Variants in DGKA observed in about 807,000 individuals in gnomAD.
DGKA encodes 80 kDa diacylglycerol kinase.
A neutral mutation model predicts 105.0 loss-of-function variants in DGKA; 35 were observed. The ratio of observed to expected loss-of-function variants is 0.33; its 90% CI spans 0.25 to 0.44. The LOEUF is 0.44. Among genes scored for constraint, DGKA ranks in the 20% least tolerant of loss-of-function variants. The probability of loss-of-function intolerance (pLI) is 1.00; values close to 1 mark genes in which losing one functional copy is unlikely to be tolerated. For missense variants in DGKA, 665 were observed against 915.0 expected, an observed-to-expected ratio of 0.73 and a Z score of 3.53; for synonymous variants, 296 against 332.0, an observed-to-expected ratio of 0.89 and a Z score of 1.18.
chr12:55,938,058 T>C lies in DGKA; in HGVS notation c.349+6T>C. ...GCCAGAAGACAAGTTAGAATGTGAGTTGCCCTTCTGAAGTGAGGTGGCAGG... is the reference window on the plus strand; with the variant it reads ...GCCAGAAGACAAGTTAGAATGTGAGCTGCCCTTCTGAAGTGAGGTGGCAGG... On this transcript the variant is annotated splice_donor_region_variant and intron_variant, in intron 5 of 23. Transcript: ENST00000331886. 6.2e-7 allele frequency: 1 copy of C among 1,613,532 alleles called. No individual in the cohort carries two copies. Among genetic ancestry groups the C allele is most frequent in the Non-Finnish European group, 8.5e-7 (1 of 1,179,568 alleles).
chr12:55,934,101 A>G (rs956801506), intron 1 of DGKA, among the ~76,000 whole-genome samples: 4 of 152,164 alleles, frequency 2.6e-5, no homozygotes, highest in African/African-American at 9.7e-5. Context: ...TCTACTGTAT[A>G]CTACTTCTCC....
intron 1 of DGKA, chr12:55,936,066 C>CGT: frequency 1.0e-6 from 1 of 973,596 alleles, no homozygotes; most frequent in Non-Finnish European, 1.2e-6. Context: ...TGGAAGAAAG[C>CGT]GCAGAAACAG....
At chr12:55,927,938 C>G, upstream of DGKA, 1 of 740,032 alleles carries the variant, frequency 1.4e-6, no homozygotes, top group South Asian at 1.9e-5. Context: ...AGGGTGAAAG[C>G]TTCTGGGCGG....
chr12:55,939,928 C>T (rs1349844232), intron 9 of DGKA, 154 bp from the exon 10 acceptor site: 9 of 667,552 alleles, frequency 1.3e-5, no homozygotes, highest in South Asian at 8.5e-5. Flanking sequence ...AAGGAAAAGG[C>T]GTGGGTTTTG....
intron 13 of DGKA, 48 bp from the exon 14 acceptor site, chr12:55,941,204 C>G (rs1159698265): frequency 1.3e-6 from 2 of 1,580,566 alleles, no homozygotes; most frequent in African/African-American, 2.7e-5. Context: ...CACCTTAACT[C>G]TGACAAAATC....
chr12:55,941,161 G>T, intron 13 of DGKA, 91 bp from the exon 14 acceptor site: 2 of 1,416,100 alleles, frequency 1.4e-6, no homozygotes, highest in Non-Finnish European at 1.9e-6. Flanking sequence ...TATCTTGGTG[G>T]AATGCTAGCC....
intron 17 of DGKA, among the ~76,000 whole-genome samples, chr12:55,948,484 T>C (rs565960498): frequency 7.9e-5 from 12 of 152,084 alleles, no homozygotes; most frequent in Non-Finnish European, 1.3e-4. Context: ...TCCCAGCACT[T>C]TGGGAGGCCA....
Position 55,932,833 on chromosome 12 carries a change from GCTAC to G in DGKA, c.-82+1494_-82+1497del, listed in dbSNP as rs1883922107. ...TCAAGCAAATGATTCCCTCTTGAGGGCTACCTACTAGCAGCAACGGTCAGGGAGA... is the reference window on the plus strand; with the variant it reads ...TCAAGCAAATGATTCCCTCTTGAGGGCTACTAGCAGCAACGGTCAGGGAGA... On this transcript the variant is annotated intron_variant, in intron 1 of 23. Coordinates refer to ENST00000331886, the MANE Select transcript of DGKA (RefSeq NM_001345.5). The surrounding 1 kb of genome is among the most constrained non-coding windows in gnomAD (Gnocchi z 4.3). 4 of 514,820 alleles carry G rather than the reference GCTAC, an allele frequency of 7.8e-6. No individual in the cohort carries two copies. The East Asian group carries it at 1.3e-4, about 17-fold the overall frequency. 31.9% of individuals were successfully genotyped at this position (514,820 alleles called of 1,614,324 possible).
intron 5 of DGKA, 122 bp from the exon 6 acceptor site, chr12:55,938,389 C>A: frequency 7.8e-7 from 1 of 1,274,840 alleles, no homozygotes; most frequent in Non-Finnish European, 1.1e-6. Flanking sequence ...CAGTCCCATC[C>A]CAGGCTCTAG....
intron 16 of DGKA, 31 bp from the exon 17 acceptor site, chr12:55,942,143 A>G (rs1592705829): frequency 6.2e-7 from 1 of 1,613,676 alleles, no homozygotes. Flanking sequence ...GAGCTAACTC[A>G]CTCCATCCTT....
intron 6 of DGKA, 76 bp from the exon 7 acceptor site, chr12:55,938,839 C>A: frequency 6.3e-7 from 1 of 1,587,128 alleles, no homozygotes; most frequent in Non-Finnish European, 8.6e-7. Flanking sequence ...AACCCAGGAA[C>A]ACTGATTTCT....
chr12:55,951,179 T>C (rs1016684804), intron 17 of DGKA, among the ~76,000 whole-genome samples: 2 of 152,116 alleles, frequency 1.3e-5, no homozygotes. Flanking sequence ...TATACTTGAG[T>C]CTATTTGGGG....
chr12:55,951,978 G>C (rs1324103025), intron 18 of DGKA, 57 bp from the exon 19 acceptor site: 1 of 1,600,202 alleles, frequency 6.2e-7, no homozygotes, highest in Non-Finnish European at 8.6e-7. Context: ...GGAAAGAGGG[G>C]AGACCGGGAG....
chr12:55,928,676 C>CA (rs56280303), upstream of DGKA, among the ~76,000 whole-genome samples: 374 of 47,258 alleles, frequency 7.9e-3, 27 homozygotes, highest in East Asian at 0.019. Flanking sequence ...GACCCCGTCT[C>CA]AAAAAAAAAA....
chr12:55,947,046 C>T (rs1304336654), intron 17 of DGKA, among the ~76,000 whole-genome samples: 69 of 142,314 alleles, frequency 4.8e-4, no homozygotes, highest in African/African-American at 1.2e-3. Flanking sequence ...GGTGCAATGG[C>T]GCGATCTCGG....
chr12:55,941,143 G>A (rs897663917), intron 13 of DGKA, 109 bp from the exon 14 acceptor site: 1 of 1,375,950 alleles, frequency 7.3e-7, no homozygotes, highest in African/African-American at 1.4e-5. Flanking sequence ...CAGGAGGGAG[G>A]GGGGAAATAT....
intron 1 of DGKA, chr12:55,935,286 C>T (rs1465832578): frequency 2.0e-5 from 3 of 152,208 alleles, no homozygotes; most frequent in African/African-American, 7.2e-5. Flanking sequence ...AAATGGTTCT[C>T]ATTCTCCCCA....
At position 55,939,320 on chromosome 12, in the gene DGKA, C is replaced by T. The variant is rs1373155295; in HGVS notation, c.594+15C>T. ...GTCTGGAGATGGTGAGTAGGAGAGA[C>T]TTTGGGGGATGAGTAAGACAGCCTT... is the stretch of plus-strand genomic sequence containing the variant. On this transcript the variant is annotated intron_variant, in intron 8 of 23. Coordinates refer to ENST00000331886, the MANE Select transcript of DGKA (RefSeq NM_001345.5). The T allele has an allele frequency of 6.2e-7, 1 of 1,612,956 alleles. No individual in the cohort carries two copies. Among genetic ancestry groups the T allele is most frequent in the Non-Finnish European group, 8.5e-7 (1 of 1,179,304 alleles).
At position 55,932,124 on chromosome 12, in the gene DGKA, G is replaced by A. The variant is rs986903021; in HGVS notation, c.-82+780G>A. The A allele has an allele frequency of 2.0e-4, 40 of 197,348 alleles. No individual in the cohort carries two copies. The highest frequency in any genetic ancestry group is 4.0e-4 in the Non-Finnish European group (37 of 93,060). 12.2% of individuals were successfully genotyped at this position (197,348 alleles called of 1,614,324 possible). A position where few individuals can be genotyped will look rare whatever the true frequency, so the allele number is the denominator to read the frequency against. ...GCGACCGCGAGCCCTCTCAAGCAAGGTAGAGACCCCGCGAGCCCCCCAGCG... is the reference window on the plus strand; with the variant it reads ...GCGACCGCGAGCCCTCTCAAGCAAGATAGAGACCCCGCGAGCCCCCCAGCG... On this transcript the variant is annotated intron_variant, in intron 1 of 23. Coordinates refer to ENST00000331886, the MANE Select transcript of DGKA (RefSeq NM_001345.5). This position sits in a 1 kb window ranked among gnomAD's most constrained non-coding sequence, Gnocchi z 4.3.
Sources: allele counts gnomAD v4.1 joint callset (sites outside exome capture counted in the v4.1 genomes callset), GRCh38; gene constraint gnomAD v4.1.1; non-coding constraint Gnocchi (gnomAD v3.1); transcripts MANE v1.5; gene names NCBI Gene and HGNC (gene_info 2026-07-23, HGNC 2026-07-21).